DLG2: variants seen among roughly 807,000 people sequenced by gnomAD.
The protein encoded by DLG2 is disks large homolog 2.
Under a neutral mutation model 132.5 loss-of-function variants are expected in DLG2, and 45 were observed. The ratio of observed to expected loss-of-function variants is 0.34; its 90% CI spans 0.27 to 0.44. The LOEUF (loss-of-function observed/expected upper bound fraction) is 0.44, where lower values mean the gene tolerates loss of function less well. Among genes scored for constraint, DLG2 ranks in the 20% least tolerant of loss-of-function variants. The pLI is 1.00. For missense variants in DLG2, 1,045 were observed against 1,196.9 expected, an observed-to-expected ratio of 0.87 and a Z score of 1.87; for synonymous variants, 424 against 419.6, an observed-to-expected ratio of 1.01 and a Z score of -0.13.
chr11:84,689,530 T>A (rs2057770058), intron 6 of DLG2, among the ~76,000 whole-genome samples: 1 of 152,118 alleles, frequency 6.6e-6, no homozygotes, highest in Non-Finnish European at 1.5e-5. Context: ...AATTTATAAG[T>A]ATTTATTATG....
intron 8 of DLG2, among the ~76,000 whole-genome samples, chr11:84,175,954 T>C (rs186085962): frequency 3.9e-5 from 6 of 152,280 alleles, no homozygotes; most frequent in East Asian, 1.9e-4. Context: ...GGTGATAACA[T>C]AGAAATTGTA....
chr11:84,040,028 G>A (rs962261291), intron 11 of DLG2, among the ~76,000 whole-genome samples: 4 of 151,562 alleles, frequency 2.6e-5, no homozygotes, highest in African/African-American at 9.7e-5. Flanking sequence ...CTTTTGAGAA[G>A]TGTCTGTTCA....
At chr11:84,098,458 A>G (rs756432076) in intron 10 of DLG2, among the ~76,000 whole-genome samples, 1 of 152,124 alleles carries the variant, frequency 6.6e-6, no homozygotes, top group Non-Finnish European at 1.5e-5. Flanking sequence ...AAACCTTCCC[A>G]GGGAATGGTT....
intron 7 of DLG2, among the ~76,000 whole-genome samples, chr11:84,352,403 G>A (rs891050888): frequency 6.6e-6 from 1 of 152,186 alleles, no homozygotes; most frequent in African/African-American, 2.4e-5. Context: ...CTCTATGTGT[G>A]AAGAGGGGAA....
intron 6 of DLG2, among the ~76,000 whole-genome samples, chr11:84,646,389 G>A (rs904930353): frequency 5.3e-5 from 8 of 152,204 alleles, no homozygotes; most frequent in Middle Eastern, 6.8e-3. Flanking sequence ...ATAGAAGCTG[G>A]CAATTAAGAA....
At chr11:85,586,505 G>A (rs2078981048) in intron 3 of DLG2, among the ~76,000 whole-genome samples, 1 of 152,116 alleles carries the variant, frequency 6.6e-6, no homozygotes, top group Non-Finnish European at 1.5e-5. Context: ...ATGGTGTTCA[G>A]AACAGTCTTG....
chr11:85,124,834 A>ATTT lies in DLG2; in HGVS notation c.283-13102_283-13100dup, dbSNP rs35849932. Reference sequence around the variant, plus strand: ...TTTTTAAAGTTTTGAGCACAGTAAAATTTTTTTTTTTTTTGAGACGGAGTC... The same window carrying ATTT: ...TTTTTAAAGTTTTGAGCACAGTAAAATTTTTTTTTTTTTTTTTGAGACGGAGTC... On this transcript the variant is annotated intron_variant, in intron 5 of 27. Coordinates refer to ENST00000376104, the MANE Select transcript of DLG2 (RefSeq NM_001142699.3). Among the ~76,000 whole-genome samples, 567 of 148,390 alleles carry ATTT rather than the reference A, an allele frequency of 3.8e-3. 5 individuals carry two copies. The highest frequency in any genetic ancestry group is 0.012 in the African/African-American group (465 of 40,426).
rs138476281 is a variant in DLG2, at chr11:85,300,521, C to T, written c.41-15156G>A. ...AACCATAAAGGAGATACCCCTTATG[C>T]CCATCAGAGATGGACTCTCAGATGT... On this transcript the variant is annotated intron_variant, in intron 3 of 27. Coordinates refer to ENST00000376104, the MANE Select transcript of DLG2 (RefSeq NM_001142699.3). 2.3e-3 allele frequency among the ~76,000 whole-genome samples: 351 copies of T among 152,218 alleles called. 10 individuals are homozygous for T. In the East Asian group the frequency reaches 0.057, roughly 25 times the overall value.
intron 16 of DLG2, among the ~76,000 whole-genome samples, chr11:83,844,547 CAAAAAAA>C (rs59755957): frequency 2.8e-5 from 2 of 70,658 alleles, no homozygotes; most frequent in Admixed American, 2.1e-4. Context: ...GAGTCTGTAT[CAAAAAAA>C]AAAAAAAAAA....
chr11:84,323,932 G>GGA (rs766299384), intron 7 of DLG2, among the ~76,000 whole-genome samples: 2 of 151,700 alleles, frequency 1.3e-5, no homozygotes, highest in Non-Finnish European at 2.9e-5. Context: ...TTGAGTTGTA[G>GGA]GAGTACCTTA....
chr11:84,914,345 A>G (rs1380957791), intron 6 of DLG2, among the ~76,000 whole-genome samples: 1 of 152,164 alleles, frequency 6.6e-6, no homozygotes, highest in African/African-American at 2.4e-5. Context: ...TCTCTTGTCA[A>G]TTCTCAAGAG....
intron 6 of DLG2, among the ~76,000 whole-genome samples, chr11:84,963,537 T>C (rs1224479866): frequency 6.6e-6 from 1 of 152,184 alleles, no homozygotes; most frequent in Non-Finnish European, 1.5e-5. Flanking sequence ...TAATCCTCTT[T>C]TCATTTAGAT....
chr11:83,584,333 T>C (rs1386794523), intron 19 of DLG2, among the ~76,000 whole-genome samples: 2 of 152,242 alleles, frequency 1.3e-5, no homozygotes, highest in Admixed American at 6.5e-5. Context: ...TTTGTTATGA[T>C]GTAAAGGAGT....
At chr11:84,873,808 A>G (rs1008219150) in intron 6 of DLG2, among the ~76,000 whole-genome samples, 6 of 152,234 alleles carry the variant, frequency 3.9e-5, no homozygotes, top group Non-Finnish European at 7.3e-5. Context: ...CTTGAATCTT[A>G]ACAATCTATT....
intron 7 of DLG2, among the ~76,000 whole-genome samples, chr11:84,338,433 A>G (rs1001565380): frequency 9.9e-5 from 15 of 152,182 alleles, no homozygotes; most frequent in Admixed American, 9.8e-4. Flanking sequence ...TTTCCAATAA[A>G]TTAATTTTCC....
intron 19 of DLG2, among the ~76,000 whole-genome samples, chr11:83,586,486 T>C (rs570476836): frequency 1.8e-4 from 28 of 152,318 alleles, no homozygotes; most frequent in Middle Eastern, 3.4e-3. Flanking sequence ...TGTTGTGAGG[T>C]TGAATGAAAT....
At chr11:85,462,838 C>T (rs1262834027) in intron 3 of DLG2, among the ~76,000 whole-genome samples, 1 of 151,604 alleles carries the variant, frequency 6.6e-6, no homozygotes, top group Admixed American at 6.6e-5. Flanking sequence ...TACACTGTGG[C>T]TACATTTGGA....
At chr11:85,158,123 G>A (rs1185763858) in intron 4 of DLG2, among the ~76,000 whole-genome samples, 1 of 151,928 alleles carries the variant, frequency 6.6e-6, no homozygotes, top group Non-Finnish European at 1.5e-5. Context: ...CCTATAAGGA[G>A]GTACACTATA....
At chr11:84,677,312 A>G (rs2099715431) in intron 6 of DLG2, among the ~76,000 whole-genome samples, 1 of 152,020 alleles carries the variant, frequency 6.6e-6, no homozygotes, top group Non-Finnish European at 1.5e-5. Context: ...TTTATGAGAG[A>G]AGTTTAAACT....
Sources: gnomAD v4.1 joint callset for allele counts (sites outside exome capture counted in the v4.1 genomes callset) on GRCh38, gnomAD v4.1.1 for gene constraint, MANE v1.5 for transcripts, NCBI Gene and HGNC (gene_info 2026-07-23, HGNC 2026-07-21) for gene names.